The following KIF16B variants were observed in gnomAD, a reference collection of about 807,000 sequenced individuals.
KIF16B encodes the protein kinesin-like protein KIF16B.
A neutral mutation model predicts 156.3 loss-of-function variants in KIF16B; 98 were observed. The ratio of observed to expected loss-of-function variants is 0.63; its 90% CI spans 0.53 to 0.74. The LOEUF (loss-of-function observed/expected upper bound fraction) is 0.74, where lower values mean the gene tolerates loss of function less well. Ranked by LOEUF, KIF16B falls within the 30% of genes least tolerant of loss-of-function variation. KIF16B has a pLI of 0.00. For synonymous variants in KIF16B, 564 were observed against 583.7 expected (o/e 0.97, Z 0.49); for missense variants, 1,421 against 1,606.5 (o/e 0.88, Z 1.97).
chr20:16,396,505 AAT>A (rs1055181334), intron 17 of KIF16B, among the ~76,000 whole-genome samples: 1 of 151,226 alleles, frequency 6.6e-6, no homozygotes, highest in African/African-American at 2.4e-5. Context: ...ATAAAATATA[AAT>A]ATATATATAT....
intron 25 of KIF16B, among the ~76,000 whole-genome samples, chr20:16,303,651 C>A (rs966621575): frequency 6.6e-6 from 1 of 152,142 alleles, no homozygotes; most frequent in South Asian, 2.1e-4. Flanking sequence ...GACATATTAA[C>A]GGGCAGATAC....
Position 16,410,136 on chromosome 20 carries a change from T to TAC in KIF16B, c.1613-3681_1613-3680insGT, listed in dbSNP as rs1350400160. On this transcript the variant is annotated intron_variant, in intron 15 of 25. Coordinates refer to ENST00000354981, the MANE Select transcript of KIF16B (RefSeq NM_024704.5). The stretch of plus-strand genomic sequence containing the variant: ...GTACATATATATATGTAGGTACATA[T>TAC]ATATATGTAGGTACATATACATATA... Among the ~76,000 whole-genome samples, 230 of 124,578 alleles carry TAC rather than the reference T, an allele frequency of 1.8e-3. 10 individuals carry two copies. The highest frequency in any genetic ancestry group is 2.9e-3 in the Non-Finnish European group (162 of 56,526). The allele number at this position is 124,578 out of a possible 152,430, so 81.7% of individuals were successfully genotyped here. A position where few individuals can be genotyped will look rare whatever the true frequency, so the allele number is the denominator to read the frequency against.
At chr20:16,464,423 A>G (rs2067430429) in intron 12 of KIF16B, among the ~76,000 whole-genome samples, 1 of 152,220 alleles carries the variant, frequency 6.6e-6, no homozygotes, top group Admixed American at 6.5e-5. Context: ...TATTTTTAAC[A>G]TTGGTGATGG....
intron 22 of KIF16B, chr20:16,367,875 C>T (rs2064716020): frequency 9.1e-6 from 14 of 1,537,890 alleles, no homozygotes; most frequent in Non-Finnish European, 1.2e-5. Flanking sequence ...GCAGAAGACC[C>T]TCTGCAGAGC....
chr20:16,308,684 G>A (rs1034439034), intron 25 of KIF16B, among the ~76,000 whole-genome samples: 10 of 152,242 alleles, frequency 6.6e-5, no homozygotes, highest in Admixed American at 6.5e-5. Flanking sequence ...TTCCACTCAT[G>A]CTTGGCCTTA....
rs61754557 is a variant in KIF16B at position 16,378,982 on chromosome 20, C to A, written c.3020G>T (p.Arg1007Leu). The change falls in exon 19 of 26, where the codon CGG (arginine) becomes CTG (leucine). Residue 1007 changes from arginine to leucine, a missense_variant. Arg to Leu is a moderately radical substitution (Grantham distance 102). Transcript: ENST00000354981. Reference protein sequence around the residue: ...REKQQREALERALARLERRHS... With the variant: ...REKQQREALELALARLERRHS... ...TCTCCTCTCCAGCCTGGCCAGGGCC[C>A]GCTCCAGCGCCTCTCTCTGCTGCTT... 6.2e-7 allele frequency: 1 copy of A among 1,614,048 alleles called. No individual in the cohort carries two copies. Among genetic ancestry groups the A allele is most frequent in the East Asian group, 2.2e-5 (1 of 44,870 alleles).
intron 6 of KIF16B, among the ~76,000 whole-genome samples, chr20:16,509,660 T>G (rs1352841440): frequency 6.6e-6 from 1 of 152,234 alleles, no homozygotes; most frequent in Non-Finnish European, 1.5e-5. Flanking sequence ...ATTTTTCTAC[T>G]GGTTGTTGAA....
chr20:16,376,618 C>CA (rs2064957453), intron 19 of KIF16B, among the ~76,000 whole-genome samples: 1 of 152,196 alleles, frequency 6.6e-6, no homozygotes, highest in African/African-American at 2.4e-5. Flanking sequence ...TCTATTTCAT[C>CA]AAAACTCATG....
At chr20:16,423,634 A>C (rs1421519329) in intron 15 of KIF16B, among the ~76,000 whole-genome samples, 1 of 152,268 alleles carries the variant, frequency 6.6e-6, no homozygotes, top group Non-Finnish European at 1.5e-5. Flanking sequence ...CTTCTGACCT[A>C]ACTGAAGGAG....
intron 25 of KIF16B, among the ~76,000 whole-genome samples, chr20:16,294,168 AT>A (rs953702640): frequency 1.3e-5 from 2 of 152,180 alleles, no homozygotes; most frequent in Non-Finnish European, 2.9e-5. Context: ...GATTTTAAAA[AT>A]GTCACTAAAA....
intron 12 of KIF16B, among the ~76,000 whole-genome samples, chr20:16,473,652 A>C (rs2067726084): frequency 6.6e-6 from 1 of 152,194 alleles, no homozygotes; most frequent in Non-Finnish European, 1.5e-5. Flanking sequence ...TCACTAAGTA[A>C]GGAATGCAGT....
intron 12 of KIF16B, among the ~76,000 whole-genome samples, chr20:16,489,064 A>G (rs1465962375): frequency 6.6e-6 from 1 of 152,238 alleles, no homozygotes; most frequent in African/African-American, 2.4e-5. Flanking sequence ...CATTAGGAAC[A>G]GTAAGGCCAC....
chr20:16,516,963 T>C (rs547857699), intron 3 of KIF16B, among the ~76,000 whole-genome samples: 11 of 152,302 alleles, frequency 7.2e-5, no homozygotes, highest in African/African-American at 2.6e-4. Context: ...ACAGGGACCC[T>C]GCATGGAAGC....
intron 12 of KIF16B, among the ~76,000 whole-genome samples, chr20:16,464,753 G>T (rs973007821): frequency 1.3e-5 from 2 of 152,146 alleles, no homozygotes; most frequent in Non-Finnish European, 2.9e-5. Flanking sequence ...CCATTGTTAA[G>T]TTCTTCTTCA....
At chr20:16,516,701 A>T (rs1312602051) in intron 3 of KIF16B, among the ~76,000 whole-genome samples, 1 of 152,198 alleles carries the variant, frequency 6.6e-6, no homozygotes, top group Non-Finnish European at 1.5e-5. Context: ...CAGACGGATC[A>T]ACCAAATAGT....
chr20:16,437,069 T>TGG, intron 12 of KIF16B, among the ~76,000 whole-genome samples: 1 of 152,232 alleles, frequency 6.6e-6, no homozygotes, highest in Non-Finnish European at 1.5e-5. Flanking sequence ...TTTAGATTAC[T>TGG]TATCATACCA....
At chr20:16,561,680 A>G (rs1255131529) in intron 1 of KIF16B, among the ~76,000 whole-genome samples, 2 of 152,228 alleles carry the variant, frequency 1.3e-5, no homozygotes, top group African/African-American at 4.8e-5. Flanking sequence ...ATCAAGGTCA[A>G]CATCACCAGT....
At chr20:16,406,215 T>C (rs1454382704) in intron 16 of KIF16B, among the ~76,000 whole-genome samples, 159 bp downstream of exon 16, 2 of 152,150 alleles carry the variant, frequency 1.3e-5, no homozygotes. Context: ...GCCAATCATC[T>C]GCTGGGAAAC....
Position 16,512,935 on chromosome 20 carries a change from A to G in KIF16B, c.349-12T>C, listed in dbSNP as rs6135776. On this transcript the variant is annotated splice_polypyrimidine_tract_variant and intron_variant, in intron 4 of 25. Coordinates refer to ENST00000354981, the MANE Select transcript of KIF16B (RefSeq NM_024704.5). ...AAGCCAGAATCTCCCTGCATGGGAA[A>G]GACCAATGTCACAGCTGTCACTCAA... is the stretch of plus-strand genomic sequence containing the variant. The G allele has an allele frequency of 0.29, 447,522 of 1,565,656 alleles. 66,302 individuals carry two copies. Among genetic ancestry groups the G allele is most frequent in the East Asian group, 0.34 (15,107 of 44,592 alleles).
Sources: gnomAD v4.1 joint callset for allele counts (sites outside exome capture counted in the v4.1 genomes callset) on GRCh38, gnomAD v4.1.1 for gene constraint, MANE v1.5 for transcripts, NCBI Gene and HGNC (gene_info 2026-07-23, HGNC 2026-07-21) for gene names.